The following ADAMTS6 variants were observed in gnomAD, a reference collection of about 807,000 sequenced individuals.
ADAMTS6 encodes A disintegrin and metalloproteinase with thrombospondin motifs 6.
ADAMTS6 carries 23 observed loss-of-function variants against 144.3 expected under a neutral mutation model. The observed-to-expected ratio is 0.16, with a 90% CI of 0.11 to 0.23. The LOEUF is 0.23. ADAMTS6 is among the 10% of genes least tolerant of loss of function. The pLI is 1.00. For missense variants in ADAMTS6, 999 were observed against 1,379.6 expected (o/e 0.72, Z 4.37); for synonymous variants, 444 against 457.5 (o/e 0.97, Z 0.38).
intron 22 of ADAMTS6, among the ~76,000 whole-genome samples, chr5:65,185,391 G>T (rs970285392): frequency 6.6e-6 from 1 of 152,210 alleles, no homozygotes; most frequent in African/African-American, 2.4e-5. Context: ...GATGATGACA[G>T]TGGTAAAGAT....
chr5:65,435,256 G>A (rs994712698), intron 7 of ADAMTS6, among the ~76,000 whole-genome samples: 2 of 152,092 alleles, frequency 1.3e-5, no homozygotes, highest in South Asian at 2.1e-4. Flanking sequence ...GAATACAAAC[G>A]TGGATAGGGA....
chr5:65,254,011 ATTTTTGTAT>A lies in ADAMTS6; in HGVS notation c.1830+6580_1830+6588del, dbSNP rs369839194. Among the ~76,000 whole-genome samples the A allele has an allele frequency of 7.7e-3, 1,165 of 151,106 alleles. 9 individuals are homozygous for A. The highest frequency in any genetic ancestry group is 0.011 in the Non-Finnish European group (730 of 67,736). ...AGGCACGCACCACCATGCCCAGCTA[ATTTTTGTAT>A]TTTTTGTAGAGAAGGGGTTTCACCA... On this transcript the variant is annotated intron_variant, in intron 14 of 24. Transcript: ENST00000381055.
intron 7 of ADAMTS6, among the ~76,000 whole-genome samples, chr5:65,417,304 C>T (rs1312840287): frequency 6.6e-6 from 1 of 152,092 alleles, no homozygotes; most frequent in Non-Finnish European, 1.5e-5. Flanking sequence ...AAGCATTCCC[C>T]TTGAGAACTG....
chr5:65,293,678 T>C (rs1476726460), intron 10 of ADAMTS6, among the ~76,000 whole-genome samples: 3 of 152,208 alleles, frequency 2.0e-5, no homozygotes, highest in African/African-American at 2.4e-5. Context: ...TTTCTAATCA[T>C]GGTTCATGTT....
intron 13 of ADAMTS6, among the ~76,000 whole-genome samples, chr5:65,261,611 A>G (rs1761204030): frequency 6.6e-6 from 1 of 152,238 alleles, no homozygotes; most frequent in African/African-American, 2.4e-5. Context: ...TATATTTTGA[A>G]TGCCAGTGAA....
At chr5:65,345,076 C>G (rs1748189365) in intron 7 of ADAMTS6, among the ~76,000 whole-genome samples, 1 of 151,730 alleles carries the variant, frequency 6.6e-6, no homozygotes, top group African/African-American at 2.4e-5. Flanking sequence ...GTCTCTGTTG[C>G]TCTCGATTGT....
chr5:65,408,263 G>A (rs1754742025), intron 7 of ADAMTS6, among the ~76,000 whole-genome samples: 1 of 152,114 alleles, frequency 6.6e-6, no homozygotes, highest in Admixed American at 6.5e-5. Flanking sequence ...CATGTTACGT[G>A]CAGAGACACA....
chr5:65,280,498 G>A (rs74447866), intron 11 of ADAMTS6, among the ~76,000 whole-genome samples: 2,532 of 152,154 alleles, frequency 0.017, 71 homozygotes, highest in African/African-American at 0.057. Context: ...CTTTCTAAGA[G>A]TCTTTAATGC....
intron 15 of ADAMTS6, among the ~76,000 whole-genome samples, chr5:65,239,820 C>A (rs1259789678): frequency 5.3e-5 from 8 of 152,172 alleles, no homozygotes; most frequent in African/African-American, 1.4e-4. Context: ...TACCACTCTA[C>A]TCCCACCAGA....
chr5:65,297,592 C>T (rs1330180680), intron 10 of ADAMTS6, among the ~76,000 whole-genome samples: 1 of 152,062 alleles, frequency 6.6e-6, no homozygotes, highest in Non-Finnish European at 1.5e-5. Flanking sequence ...AACCTCAATC[C>T]CTGATCAAAA....
intron 9 of ADAMTS6, among the ~76,000 whole-genome samples, chr5:65,317,909 TA>T (rs1382693320): frequency 6.6e-6 from 1 of 151,558 alleles, no homozygotes; most frequent in Non-Finnish European, 1.5e-5. Context: ...CTGTCTCTAC[TA>T]AAAATACAAA....
At chr5:65,391,227 T>A (rs1439226099) in intron 7 of ADAMTS6, among the ~76,000 whole-genome samples, 1 of 152,140 alleles carries the variant, frequency 6.6e-6, no homozygotes, top group African/African-American at 2.4e-5. Flanking sequence ...GCCTTGTTTG[T>A]TTGTTTAATT....
intron 24 of ADAMTS6, among the ~76,000 whole-genome samples, chr5:65,161,320 G>C (rs1010871865): frequency 1.3e-5 from 2 of 152,186 alleles, no homozygotes; most frequent in Non-Finnish European, 2.9e-5. Flanking sequence ...TTGCAGGCGT[G>C]AGCCACCGTG....
rs530819163 is a variant in ADAMTS6, at chr5:65,451,543, G to A, written c.1005C>T (p.His335=). The A allele has an allele frequency of 6.2e-7, 1 of 1,613,604 alleles. No homozygotes were observed. The highest frequency in any genetic ancestry group is 1.7e-5 in the Admixed American group (1 of 59,924). ...CTGGAATGGTGTTTCCATCACTTTG[G>A]TGGGAGAGAATGGATTTCTGCCATT... The part of the protein sequence containing the change: ...FCKWQKSILS[H]QSDGNTIPEN... Residue 335 remains histidine, a synonymous_variant, in exon 7 of 25, where the codon CAC becomes CAT. Transcript: ENST00000381055.
In ADAMTS6 at chr5:65,452,370, A is replaced by G. The variant is rs1580740861; in HGVS notation, c.844-154T>C. 4 of 628,786 alleles carry G rather than the reference A, an allele frequency of 6.4e-6. No homozygotes were observed. The East Asian group carries it at 1.1e-4, about 17-fold the overall frequency. The allele number at this position is 628,786 out of a possible 1,614,324, so 39.0% of individuals were successfully genotyped here. A position where few individuals can be genotyped will look rare whatever the true frequency, so the allele number is the denominator to read the frequency against. On this transcript the variant is annotated intron_variant, in intron 5 of 24. Coordinates refer to ENST00000381055, the MANE Select transcript of ADAMTS6 (RefSeq NM_197941.4). ...AACTCTACCTTCAAGGTGCCTTGGT[A>G]AAAGGTTTTTATACAAGTCTACCTC...
chr5:65,261,500 G>A (rs1247817267), intron 13 of ADAMTS6, among the ~76,000 whole-genome samples: 1 of 147,890 alleles, frequency 6.8e-6, no homozygotes, highest in Non-Finnish European at 1.5e-5. Context: ...GCTTTCAGTT[G>A]AACTTACGTT....
intron 7 of ADAMTS6, among the ~76,000 whole-genome samples, chr5:65,448,678 C>G (rs1758478408): frequency 6.6e-6 from 1 of 151,980 alleles, no homozygotes; most frequent in Non-Finnish European, 1.5e-5. Context: ...TGGTCTTGAT[C>G]TCCTGACCTC....
At chr5:65,276,461 A>G (rs1262747322) in intron 11 of ADAMTS6, among the ~76,000 whole-genome samples, 1 of 152,198 alleles carries the variant, frequency 6.6e-6, no homozygotes, top group Non-Finnish European at 1.5e-5. Flanking sequence ...ACTGGTATCC[A>G]ATTTCGGAAT....
Position 65,460,226 on chromosome 5 carries a change from T to C in ADAMTS6, c.575A>G (p.Lys192Arg). The change falls in exon 4 of 25, where the codon AAA becomes AGA. Residue 192 changes from lysine to arginine, a missense_variant. Around this residue, in one of 3 missense-constraint regions of ADAMTS6, gnomAD observed 252 missense variants for 293.7 expected, o/e 0.86. Coordinates refer to ENST00000381055, the MANE Select transcript of ADAMTS6 (RefSeq NM_197941.4). ...YENGHPHVIY[K>R]KSALQQRHLY... ...ATGTCGTTGTTGAAGGGCAGACTTTTTGTAAATAACATGAGGGTGGCCATT... is the reference window on the plus strand; with the variant it reads ...ATGTCGTTGTTGAAGGGCAGACTTTCTGTAAATAACATGAGGGTGGCCATT... 1 of 1,614,146 alleles carries C rather than the reference T, an allele frequency of 6.2e-7. No individual in the cohort carries two copies. Among genetic ancestry groups the C allele is most frequent in the Non-Finnish European group, 8.5e-7 (1 of 1,179,996 alleles).
Sources: gnomAD v4.1 joint callset for allele counts (sites outside exome capture counted in the v4.1 genomes callset) on GRCh38, gnomAD v4.1.1 for gene constraint, gnomAD v4.1.1 regional missense constraint, MANE v1.5 for transcripts, NCBI Gene and HGNC (gene_info 2026-07-23, HGNC 2026-07-21) for gene names.